Variants in CTIF observed in about 807,000 individuals in gnomAD.
CTIF encodes the protein cap binding complex dependent translation initiation factor.
Under a neutral mutation model 66.0 loss-of-function variants are expected in CTIF, and 21 were observed. That is an observed-to-expected ratio of 0.32 (90% CI 0.23 to 0.46). The LOEUF (loss-of-function observed/expected upper bound fraction) is 0.46, where lower values mean the gene tolerates loss of function less well. Among genes scored for constraint, CTIF ranks in the 20% least tolerant of loss-of-function variants. CTIF has a pLI of 1.00. For synonymous variants in CTIF, 345 were observed against 326.4 expected, an observed-to-expected ratio of 1.06 and a Z score of -0.62; for missense variants, 739 against 812.7, an observed-to-expected ratio of 0.91 and a Z score of 1.10.
At chr18:48,674,486 C>T (rs1230758536) in intron 6 of CTIF, among the ~76,000 whole-genome samples, 1 of 152,224 alleles carries the variant, frequency 6.6e-6, no homozygotes, top group Admixed American at 6.5e-5. Context: ...GAGCGCATGC[C>T]ACAATGAGTG....
intron 6 of CTIF, among the ~76,000 whole-genome samples, chr18:48,705,416 G>A (rs186704459): frequency 3.9e-5 from 6 of 152,270 alleles, no homozygotes; most frequent in East Asian, 1.9e-4. Context: ...GACACCCATC[G>A]TTGGATTTAG....
At chr18:48,840,417 A>G (rs555421280) in intron 10 of CTIF, among the ~76,000 whole-genome samples, 3 of 152,348 alleles carry the variant, frequency 2.0e-5, no homozygotes, top group East Asian at 1.9e-4. Flanking sequence ...ATTGACTCAC[A>G]TGCTCATTCA....
chr18:48,574,967 A>G (rs2089498007), intron 1 of CTIF, among the ~76,000 whole-genome samples: 1 of 152,196 alleles, frequency 6.6e-6, no homozygotes, highest in Non-Finnish European at 1.5e-5. Flanking sequence ...GGAGGGCCAA[A>G]TGAGATAAAG....
Position 48,861,838 on chromosome 18 carries a change from G to A in CTIF, c.*2279G>A, listed in dbSNP as rs747510585. On this transcript the variant is annotated 3_prime_UTR_variant, in exon 12 of 12. Transcript: ENST00000256413. The stretch of plus-strand genomic sequence containing the variant: ...CTCCCCATTGGCTGTTAGGACCAGA[G>A]TGTGAAGAAGAAGTGAAATATAAAT... The A allele has an allele frequency of 6.6e-6, 1 of 152,200 alleles. No individual in the cohort carries two copies. Among genetic ancestry groups the A allele is most frequent in the Non-Finnish European group, 1.5e-5 (1 of 68,052 alleles). The allele number at this position is 152,200 out of a possible 1,614,324, so 9.4% of individuals were successfully genotyped here. A position where few individuals can be genotyped will look rare whatever the true frequency, so the allele number is the denominator to read the frequency against.
intron 1 of CTIF, among the ~76,000 whole-genome samples, chr18:48,557,349 G>A (rs1165720371): frequency 1.3e-5 from 2 of 152,202 alleles, no homozygotes; most frequent in Non-Finnish European, 2.9e-5. Flanking sequence ...TTTTGGATGA[G>A]GGATAGGCAC....
At chr18:48,679,789 T>TC (rs2091707715) in intron 6 of CTIF, among the ~76,000 whole-genome samples, 1 of 152,206 alleles carries the variant, frequency 6.6e-6, no homozygotes, top group Admixed American at 6.5e-5. Context: ...TTTGAGGTTT[T>TC]CCCCTTTTTT....
intron 6 of CTIF, among the ~76,000 whole-genome samples, chr18:48,690,219 C>T (rs903429169): frequency 2.0e-5 from 3 of 152,066 alleles, no homozygotes; most frequent in African/African-American, 7.2e-5. Context: ...TTTATTTGGG[C>T]GTTTACAGAC....
chr18:48,746,443 T>TGG (rs1362578737), intron 7 of CTIF, among the ~76,000 whole-genome samples: 1 of 150,724 alleles, frequency 6.6e-6, no homozygotes, highest in Admixed American at 6.6e-5. Flanking sequence ...TGAGAACGTG[T>TGG]GGGGAGGGTC....
intron 7 of CTIF, among the ~76,000 whole-genome samples, chr18:48,738,598 C>T (rs4939799): frequency 0.72 from 109,683 of 151,774 alleles, 39,947 homozygotes; most frequent in East Asian, 0.82. Context: ...CTCCCTCAAG[C>T]CTTGGCTGCT....
chr18:48,664,864 G>A (rs113298432), intron 5 of CTIF, among the ~76,000 whole-genome samples: 28 of 151,638 alleles, frequency 1.8e-4, no homozygotes, highest in Non-Finnish European at 3.4e-4. Flanking sequence ...GCCCACCCCA[G>A]AGTCTGTGAT....
intron 6 of CTIF, chr18:48,688,291 T>A (rs1191429462): frequency 6.6e-6 from 1 of 152,212 alleles, no homozygotes; most frequent in Non-Finnish European, 1.5e-5. Context: ...CCTGCAAGGA[T>A]TCCTCCTACC....
At chr18:48,758,550 G>A in intron 8 of CTIF, 145 bp downstream of exon 8, 1 of 1,006,898 alleles carries the variant, frequency 9.9e-7, no homozygotes, top group Non-Finnish European at 1.5e-6. Flanking sequence ...TTCGGTCACT[G>A]TGGGGACCAA....
At chr18:48,600,144 T>A (rs1044565349) in intron 1 of CTIF, among the ~76,000 whole-genome samples, 8 of 151,902 alleles carry the variant, frequency 5.3e-5, no homozygotes, top group East Asian at 3.9e-4. Context: ...GTGTGCAGAG[T>A]CTGCCCCCAA....
At chr18:48,825,894 G>A (rs1183579970) in intron 10 of CTIF, among the ~76,000 whole-genome samples, 1 of 152,200 alleles carries the variant, frequency 6.6e-6, no homozygotes, top group East Asian at 1.9e-4. Flanking sequence ...GCAGGGATAT[G>A]TAAGCTTTCC....
chr18:48,675,349 C>T (rs559464616), intron 6 of CTIF, among the ~76,000 whole-genome samples: 3 of 152,276 alleles, frequency 2.0e-5, no homozygotes, highest in African/African-American at 7.2e-5. Flanking sequence ...GAGTGTGGCC[C>T]CAGTGTTGAG....
At chr18:48,855,553 A>G (rs1157909519) in intron 10 of CTIF, among the ~76,000 whole-genome samples, 5 of 152,242 alleles carry the variant, frequency 3.3e-5, no homozygotes, top group Admixed American at 1.3e-4. Flanking sequence ...TTTGCCAGCA[A>G]CAGAACCGTC....
In CTIF at chr18:48,769,095, C is replaced by A. The variant is rs149182570; in HGVS notation, c.1371+7406C>A. On this transcript the variant is annotated intron_variant, in intron 9 of 11. Transcript: ENST00000256413. ...TGTGAAACCACACAGGCTGCTGGCC[C>A]CAGTTCCCATCTCCTCCTTGCATCC... is the stretch of plus-strand genomic sequence containing the variant. 9.9e-4 allele frequency among the ~76,000 whole-genome samples: 151 copies of A among 152,272 alleles called. 1 individual carries two copies. Among genetic ancestry groups the A allele is most frequent in the East Asian group, 6.8e-3 (35 of 5,180 alleles).
intron 1 of CTIF, among the ~76,000 whole-genome samples, chr18:48,605,259 G>A (rs752584421): frequency 6.6e-6 from 1 of 152,250 alleles, no homozygotes; most frequent in Non-Finnish European, 1.5e-5. Context: ...AGTGTTTGAG[G>A]ACTCCAGTTG....
intron 9 of CTIF, among the ~76,000 whole-genome samples, chr18:48,805,137 T>A (rs2068118781): frequency 3.3e-5 from 5 of 152,192 alleles, no homozygotes; most frequent in Admixed American, 2.6e-4. Flanking sequence ...TGTGTCACAG[T>A]GTCTGTGGGT....
Sources: gnomAD v4.1 joint callset for allele counts (sites outside exome capture counted in the v4.1 genomes callset) on GRCh38, gnomAD v4.1.1 for gene constraint, MANE v1.5 for transcripts, NCBI Gene and HGNC (gene_info 2026-07-23, HGNC 2026-07-21) for gene names.